Variants in CLVS1 observed in about 807,000 individuals in gnomAD.
The protein encoded by CLVS1 is clavesin 1.
In CLVS1, 10 loss-of-function variants were observed where a neutral mutation model predicts 33.1. The ratio of observed to expected loss-of-function variants is 0.30; its 90% confidence interval spans 0.19 to 0.51. The LOEUF (loss-of-function observed/expected upper bound fraction) is 0.51, where lower values mean the gene tolerates loss of function less well. Ranked by LOEUF, CLVS1 falls within the 20% of genes least tolerant of loss-of-function variation. The pLI is 0.97. For synonymous variants in CLVS1, 163 were observed against 166.1 expected (o/e 0.98, Z 0.14); for missense variants, 343 against 433.4 (o/e 0.79, Z 1.85).
At chr8:61,422,623 T>C (rs747554942) in intron 3 of CLVS1, among the ~76,000 whole-genome samples, 1 of 152,184 alleles carries the variant, frequency 6.6e-6, no homozygotes, top group Non-Finnish European at 1.5e-5. Flanking sequence ...ACACAAACCG[T>C]AGAAGTTCCA....
intron 2 of CLVS1, among the ~76,000 whole-genome samples, chr8:61,358,634 C>T (rs1812846060): frequency 6.6e-6 from 1 of 152,152 alleles, no homozygotes; most frequent in Admixed American, 6.5e-5. Flanking sequence ...CAAAAAACAG[C>T]TTTGGGAACA....
intron 2 of CLVS1, among the ~76,000 whole-genome samples, chr8:61,265,302 GAAGTCT>G (rs56098310): frequency 0.26 from 39,343 of 151,858 alleles, 6,315 homozygotes; most frequent in Non-Finnish European, 0.34. Context: ...ACTCTGCATG[GAAGTCT>G]GCCAAGTGTT....
At chr8:61,466,697 G>A (rs1817557130) in intron 5 of CLVS1, among the ~76,000 whole-genome samples, 1 of 152,032 alleles carries the variant, frequency 6.6e-6, no homozygotes, top group Non-Finnish European at 1.5e-5. Context: ...GCCCAGGCTG[G>A]AGTGCAGTGG....
intron 1 of CLVS1, among the ~76,000 whole-genome samples, chr8:61,118,675 A>C (rs1323876870): frequency 6.6e-6 from 1 of 151,608 alleles, no homozygotes; most frequent in East Asian, 1.9e-4. Flanking sequence ...CATGGAGTTG[A>C]GCGGTTTTGA....
intron 2 of CLVS1, among the ~76,000 whole-genome samples, chr8:61,161,121 A>G (rs1040554709): frequency 1.3e-5 from 2 of 152,226 alleles, no homozygotes; most frequent in African/African-American, 4.8e-5. Flanking sequence ...GCAAAGCCAC[A>G]ATGAAGTATC....
intron 1 of CLVS1, among the ~76,000 whole-genome samples, chr8:61,124,886 T>C (rs977027949): frequency 3.3e-5 from 5 of 152,132 alleles, no homozygotes; most frequent in Non-Finnish European, 7.4e-5. Flanking sequence ...GGTGGGATGG[T>C]GTGATCAGGT....
chr8:61,288,206 T>A (rs971172122), intron 1 of CLVS1, 68 bp downstream of exon 1: 1 of 456,224 alleles, frequency 2.2e-6, no homozygotes, highest in Non-Finnish European at 4.4e-6. Context: ...GCTCTTTCGA[T>A]GCCATGGCTG....
At chr8:60,999,051 A>C in the CLVS1 span, among the ~76,000 whole-genome samples, 1 of 152,132 alleles carries the variant, frequency 6.6e-6, no homozygotes, top group African/African-American at 2.4e-5. Flanking sequence ...TGTGATGGGC[A>C]TGTGTGGGAT....
At chr8:61,129,033 G>T (rs1314742416) in intron 1 of CLVS1, among the ~76,000 whole-genome samples, 1 of 152,108 alleles carries the variant, frequency 6.6e-6, no homozygotes, top group African/African-American at 2.4e-5. Flanking sequence ...GGTGTTCACC[G>T]AGTCTTATTT....
intron 2 of CLVS1, among the ~76,000 whole-genome samples, chr8:61,365,219 G>C (rs1813147014): frequency 6.6e-6 from 1 of 152,158 alleles, no homozygotes; most frequent in African/African-American, 2.4e-5. Context: ...ACATTTCCAT[G>C]AACCCAATGC....
At chr8:60,973,905 C>G in the CLVS1 span, among the ~76,000 whole-genome samples, 2 of 152,302 alleles carry the variant, frequency 1.3e-5, no homozygotes, top group East Asian at 3.9e-4. Flanking sequence ...CTCTCCTGTC[C>G]TGTTCATGTC....
the CLVS1 span, among the ~76,000 whole-genome samples, chr8:61,028,648 A>C: frequency 6.6e-6 from 1 of 152,192 alleles, no homozygotes; most frequent in Non-Finnish European, 1.5e-5. Flanking sequence ...GGCTCAGATA[A>C]GCTGACAGTG....
chr8:61,408,491 T>C (rs1256673871), intron 3 of CLVS1, among the ~76,000 whole-genome samples: 2 of 152,228 alleles, frequency 1.3e-5, no homozygotes, highest in Non-Finnish European at 2.9e-5. Context: ...TCTACTTCTT[T>C]TCTCCAGACC....
At chr8:61,197,107 T>C (rs1213731407) in intron 2 of CLVS1, among the ~76,000 whole-genome samples, 1 of 152,176 alleles carries the variant, frequency 6.6e-6, no homozygotes, top group African/African-American at 2.4e-5. Context: ...ATGCATTGAG[T>C]TCTCTCCTAT....
chr8:61,097,148 C>G (rs1377542539), intron 1 of CLVS1, among the ~76,000 whole-genome samples: 1 of 151,616 alleles, frequency 6.6e-6, no homozygotes, highest in Non-Finnish European at 1.5e-5. Flanking sequence ...ATCACTGAGG[C>G]CAGGAGTTTG....
At chr8:60,997,808 G>A in the CLVS1 span, among the ~76,000 whole-genome samples, 1 of 152,252 alleles carries the variant, frequency 6.6e-6, no homozygotes, top group Non-Finnish European at 1.5e-5. Flanking sequence ...GAGCTGAGAA[G>A]AGCCTAAGAC....
chr8:61,473,678 G>C (rs923537179), intron 5 of CLVS1, among the ~76,000 whole-genome samples: 10 of 152,178 alleles, frequency 6.6e-5, no homozygotes, highest in African/African-American at 2.4e-4. Context: ...GTACAGAGAA[G>C]AAGATGACTC....
chr8:61,421,283 G>T (rs545049769), intron 3 of CLVS1, among the ~76,000 whole-genome samples: 1 of 152,170 alleles, frequency 6.6e-6, no homozygotes, highest in Non-Finnish European at 1.5e-5. Context: ...CTCAGCAAAC[G>T]ATGATTGTCA....
At chr8:61,021,359 G>T in the CLVS1 span, among the ~76,000 whole-genome samples, 4 of 151,994 alleles carry the variant, frequency 2.6e-5, no homozygotes, top group African/African-American at 9.7e-5. Context: ...TTGTTTGTTT[G>T]TTTGTTTTTG....
Sources: gnomAD v4.1 joint callset for allele counts (sites outside exome capture counted in the v4.1 genomes callset) on GRCh38, gnomAD v4.1.1 for gene constraint, MANE v1.5 for transcripts, NCBI Gene and HGNC (gene_info 2026-07-23, HGNC 2026-07-21) for gene names.